The following PALM2AKAP2 variants were observed in gnomAD, a reference collection of about 807,000 sequenced individuals.
The protein encoded by PALM2AKAP2 is PALM2-AKAP2 fusion protein.
Under a neutral mutation model 71.5 loss-of-function variants are expected in PALM2AKAP2, and 37 were observed. That is an observed-to-expected ratio of 0.52 (90% CI 0.40 to 0.68). The LOEUF is 0.68. PALM2AKAP2 is among the 30% of genes least tolerant of loss of function. The probability of loss-of-function intolerance (pLI) is 0.00; values close to 1 mark genes in which losing one functional copy is unlikely to be tolerated. For missense variants in PALM2AKAP2, 1,224 were observed against 1,191.8 expected (o/e 1.03, Z -0.40); for synonymous variants, 468 against 478.8 (o/e 0.98, Z 0.29).
chr9:109,883,093 G>A (rs1003142435), intron 3 of PALM2AKAP2, among the ~76,000 whole-genome samples: 2 of 152,180 alleles, frequency 1.3e-5, no homozygotes, highest in African/African-American at 4.8e-5. Flanking sequence ...GCGTGTGGAG[G>A]CTAGAGTCTT....
At chr9:109,643,725 C>T (rs1317087673) in intron 1 of PALM2AKAP2, among the ~76,000 whole-genome samples, 1 of 152,222 alleles carries the variant, frequency 6.6e-6, no homozygotes, top group African/African-American at 2.4e-5. Context: ...TCCTGGTTAA[C>T]CTTCCCAATT....
chr9:109,659,092 C>G (rs968676353), intron 1 of PALM2AKAP2, among the ~76,000 whole-genome samples: 1 of 152,104 alleles, frequency 6.6e-6, no homozygotes, highest in African/African-American at 2.4e-5. Context: ...ATGTCCACCT[C>G]CAAATACATA....
intron 1 of PALM2AKAP2, among the ~76,000 whole-genome samples, chr9:110,091,295 AC>A (rs1240600553): frequency 1.3e-5 from 2 of 151,886 alleles, no homozygotes; most frequent in African/African-American, 2.4e-5. Context: ...TTTTTAAAAA[AC>A]CCTCTTAACT....
chr9:110,088,285 G>T (rs1019002603), intron 1 of PALM2AKAP2, among the ~76,000 whole-genome samples: 4 of 152,140 alleles, frequency 2.6e-5, no homozygotes, highest in Non-Finnish European at 5.9e-5. Context: ...TTGGTTGCAG[G>T]AGGGGACCAA....
chr9:110,028,602 A>G (rs1262970162), intron 7 of PALM2AKAP2, among the ~76,000 whole-genome samples: 1 of 152,148 alleles, frequency 6.6e-6, no homozygotes, highest in African/African-American at 2.4e-5. Flanking sequence ...TTGAACCCAG[A>G]TGGAAGGACA....
At chr9:109,985,416 G>A (rs982389781) in intron 6 of PALM2AKAP2, among the ~76,000 whole-genome samples, 6 of 151,418 alleles carry the variant, frequency 4.0e-5, no homozygotes, top group Non-Finnish European at 7.4e-5. Context: ...TCAGGAGATG[G>A]AGACCATCCT....
chr9:110,015,830 G>T, intron 6 of PALM2AKAP2, 124 bp from the exon 7 acceptor site: 1 of 848,984 alleles, frequency 1.2e-6, no homozygotes. Context: ...GATAGGTATA[G>T]AGCTATAGGT....
rs151274359 is a variant in PALM2AKAP2 at position 110,167,993 on chromosome 9, G to A, written c.2749-406G>A. 4.0e-4 allele frequency among the ~76,000 whole-genome samples: 61 copies of A among 152,258 alleles called. 2 individuals carry two copies. Among genetic ancestry groups the A allele is most frequent in the African/African-American group, 1.2e-3 (51 of 41,540 alleles). Reference sequence around the variant, plus strand: ...CCTATTTCAAGTGCTCAATAGCCACGTATGGCTAGTGGCTACCATACTGGA... The same window carrying A: ...CCTATTTCAAGTGCTCAATAGCCACATATGGCTAGTGGCTACCATACTGGA... On this transcript the variant is annotated intron_variant, in intron 3 of 3. Coordinates refer to ENST00000374525, the Ensembl canonical transcript of PALM2AKAP2.
chr9:109,985,892 C>T (rs1832368268), intron 6 of PALM2AKAP2, among the ~76,000 whole-genome samples: 1 of 152,016 alleles, frequency 6.6e-6, no homozygotes, highest in South Asian at 2.1e-4. Context: ...TCAAATGATC[C>T]CCCCACCTTG....
At chr9:109,945,669 T>C (rs1294985378) in intron 6 of PALM2AKAP2, 2 of 152,266 alleles carry the variant, frequency 1.3e-5, no homozygotes, top group Non-Finnish European at 2.9e-5. Context: ...ATTCAAGCTA[T>C]TCAATGTGAG....
intron 3 of PALM2AKAP2, among the ~76,000 whole-genome samples, chr9:109,916,655 C>T (rs899390168): frequency 6.6e-6 from 1 of 152,204 alleles, no homozygotes; most frequent in Non-Finnish European, 1.5e-5. Context: ...GTTAATTCAT[C>T]ATCTACTTTG....
At chr9:109,718,661 T>G (rs1474363266) in intron 1 of PALM2AKAP2, among the ~76,000 whole-genome samples, 1 of 152,142 alleles carries the variant, frequency 6.6e-6, no homozygotes, top group East Asian at 1.9e-4. Context: ...TTGCCTAGTT[T>G]CCCCATTGTT....
chr9:110,077,896 C>A (rs1834354672), intron 1 of PALM2AKAP2, among the ~76,000 whole-genome samples: 3 of 151,876 alleles, frequency 2.0e-5, no homozygotes, highest in African/African-American at 7.3e-5. Context: ...CGCCTGTAAT[C>A]CTAGCTACTC....
intron 6 of PALM2AKAP2, among the ~76,000 whole-genome samples, chr9:109,972,396 G>T (rs1008932450): frequency 1.3e-5 from 2 of 152,204 alleles, no homozygotes; most frequent in African/African-American, 4.8e-5. Flanking sequence ...GAAGGACTGT[G>T]CCAGCTTAGG....
intron 1 of PALM2AKAP2, among the ~76,000 whole-genome samples, chr9:109,716,870 G>A (rs1828331954): frequency 6.6e-6 from 1 of 152,160 alleles, no homozygotes; most frequent in Non-Finnish European, 1.5e-5. Context: ...GGATATCCTA[G>A]CAATATTATG....
At chr9:110,004,563 C>T (rs1588053986) in intron 6 of PALM2AKAP2, among the ~76,000 whole-genome samples, 3 of 152,168 alleles carry the variant, frequency 2.0e-5, no homozygotes, top group East Asian at 1.9e-4. Flanking sequence ...TTTCCTGAAC[C>T]TGAATGTTGG....
chr9:109,700,034 A>G (rs1006672972), intron 1 of PALM2AKAP2, among the ~76,000 whole-genome samples: 14 of 152,134 alleles, frequency 9.2e-5, no homozygotes, highest in Non-Finnish European at 1.3e-4. Flanking sequence ...TCAGCCTCCC[A>G]GATTGCTGAG....
At chr9:110,091,422 G>A (rs1588103206) in intron 1 of PALM2AKAP2, among the ~76,000 whole-genome samples, 1 of 125,472 alleles carries the variant, frequency 8.0e-6, no homozygotes, top group African/African-American at 3.1e-5. Flanking sequence ...GTGTGTGTGT[G>A]TCTGTGTGAT....
At chr9:110,148,450 A>C (rs1335641740) in intron 2 of PALM2AKAP2, 2 of 152,136 alleles carry the variant, frequency 1.3e-5, no homozygotes, top group Non-Finnish European at 2.9e-5. Flanking sequence ...TGGGGCCTTC[A>C]AAGGAGGAGA....
Sources: allele counts gnomAD v4.1 joint callset (sites outside exome capture counted in the v4.1 genomes callset), GRCh38; gene constraint gnomAD v4.1.1; transcripts MANE v1.5; gene names NCBI Gene and HGNC (gene_info 2026-07-23, HGNC 2026-07-21).